Variants in PPTC7 observed in about 807,000 individuals in gnomAD.
PPTC7 encodes the protein protein phosphatase targeting COQ7, also known as protein phosphatase PTC7 homolog.
PPTC7 carries 6 observed loss-of-function variants against 30.8 expected under a neutral mutation model. That is an observed-to-expected ratio of 0.19 (90% CI 0.11 to 0.38). The LOEUF is 0.38. Ranked by LOEUF, PPTC7 falls within the 10% of genes least tolerant of loss-of-function variation. PPTC7 has a pLI of 1.00. For missense variants in PPTC7, 218 were observed against 404.8 expected (o/e 0.54, Z 3.96); for synonymous variants, 163 against 168.1 (o/e 0.97, Z 0.23).
intron 4 of PPTC7, among the ~76,000 whole-genome samples, chr12:110,538,989 G>T (rs1593141474): frequency 6.6e-6 from 1 of 152,160 alleles, no homozygotes. Context: ...CCACTAGGAT[G>T]TAAGTTCCAT....
rs961789853 is a variant in PPTC7 at position 110,534,342 on chromosome 12, T to C, written c.*2695A>G. The stretch of plus-strand genomic sequence containing the variant: ...CAGAGAGGGATAAATAATTTGCCAT[T>C]TGTAAATTAGAAATCCAAATTTTTT... On this transcript the variant is annotated 3_prime_UTR_variant, in exon 6 of 6. Transcript: ENST00000354300. 5 of 152,158 alleles carry C rather than the reference T, an allele frequency of 3.3e-5. No individual in the cohort carries two copies. The highest frequency in any genetic ancestry group is 6.5e-5 in the Admixed American group (1 of 15,272). 9.4% of individuals were successfully genotyped at this position (152,158 alleles called of 1,614,324 possible). A position where few individuals can be genotyped will look rare whatever the true frequency, so the allele number is the denominator to read the frequency against.
At chr12:110,539,167 G>C (rs1240592517) in intron 4 of PPTC7, among the ~76,000 whole-genome samples, 1 of 151,992 alleles carries the variant, frequency 6.6e-6, no homozygotes, top group Admixed American at 6.5e-5. Flanking sequence ...TATAAAAGAG[G>C]ATCTTTAGGA....
chr12:110,580,119 C>G (rs1278336920), intron 1 of PPTC7, among the ~76,000 whole-genome samples: 1 of 152,042 alleles, frequency 6.6e-6, no homozygotes, highest in Admixed American at 6.6e-5. Context: ...TTCCCTTTAT[C>G]CCCTAGTCCA....
At chr12:110,550,358 G>C (rs956487923) in intron 2 of PPTC7, among the ~76,000 whole-genome samples, 1 of 150,690 alleles carries the variant, frequency 6.6e-6, no homozygotes, top group African/African-American at 2.4e-5. Flanking sequence ...AGCCTCCTAA[G>C]TAGCTGGGAC....
At chr12:110,561,732 G>A (rs1206565606) in intron 1 of PPTC7, among the ~76,000 whole-genome samples, 1 of 152,168 alleles carries the variant, frequency 6.6e-6, no homozygotes, top group Admixed American at 6.5e-5. Context: ...TGAGGCGGGT[G>A]TATCATTTAA....
chr12:110,539,729 C>T, intron 4 of PPTC7, 93 bp downstream of exon 4: 1 of 1,179,680 alleles, frequency 8.5e-7, no homozygotes, highest in South Asian at 1.7e-5. Context: ...TAGTTCTTTC[C>T]AAAACTACAA....
Position 110,536,160 on chromosome 12 carries a change from T to C in PPTC7, c.*877A>G, listed in dbSNP as rs1334917026. 1 of 152,230 alleles carries C rather than the reference T, an allele frequency of 6.6e-6. No individual in the cohort carries two copies. The highest frequency in any genetic ancestry group is 1.9e-4 in the East Asian group (1 of 5,204). 9.4% of individuals were successfully genotyped at this position (152,230 alleles called of 1,614,324 possible). A position where few individuals can be genotyped will look rare whatever the true frequency, so the allele number is the denominator to read the frequency against. Reference sequence around the variant, plus strand: ...TCTCAACCCTTCAGGCCTTGGGACCTAGAGTTCCCATTCAGGGGCATTCTA... The same window carrying C: ...TCTCAACCCTTCAGGCCTTGGGACCCAGAGTTCCCATTCAGGGGCATTCTA... On this transcript the variant is annotated 3_prime_UTR_variant, in exon 6 of 6. Coordinates refer to ENST00000354300, the MANE Select transcript of PPTC7 (RefSeq NM_139283.2).
At chr12:110,576,519 T>A (rs1381565989) in intron 1 of PPTC7, among the ~76,000 whole-genome samples, 1 of 152,276 alleles carries the variant, frequency 6.6e-6, no homozygotes, top group South Asian at 2.1e-4. Flanking sequence ...TATATAAATA[T>A]AATGGAACAT....
intron 2 of PPTC7, among the ~76,000 whole-genome samples, chr12:110,549,764 C>T (rs1179370088): frequency 6.6e-6 from 1 of 152,100 alleles, no homozygotes; most frequent in Non-Finnish European, 1.5e-5. Flanking sequence ...AGGATGGTTA[C>T]GTGTTTTGTA....
In PPTC7 at chr12:110,559,811, C is replaced by T. The variant is rs563951831; in HGVS notation, c.224-7843G>A. 5.9e-5 allele frequency among the ~76,000 whole-genome samples: 9 copies of T among 151,916 alleles called. No homozygotes were observed. In the South Asian group the frequency reaches 6.3e-4, roughly 11 times the overall value. ...GCAGTGGTGTAGTAATAGCTCACTG[C>T]GGCCTCAAACTCCTGAGCTCAAGAG... On this transcript the variant is annotated intron_variant, in intron 1 of 5. Coordinates refer to ENST00000354300, the MANE Select transcript of PPTC7 (RefSeq NM_139283.2).
chr12:110,540,385 G>A (rs903589555), intron 3 of PPTC7, among the ~76,000 whole-genome samples: 3 of 133,014 alleles, frequency 2.3e-5, no homozygotes, highest in Non-Finnish European at 4.7e-5. Flanking sequence ...GCAGTGGCAC[G>A]ATATAGGCTC....
At chr12:110,552,134 C>A (rs779478240) in intron 1 of PPTC7, among the ~76,000 whole-genome samples, 166 bp from the exon 2 acceptor site, 1 of 152,204 alleles carries the variant, frequency 6.6e-6, no homozygotes, top group Non-Finnish European at 1.5e-5. Flanking sequence ...TACACTAACA[C>A]TCCTAAGCCA....
Position 110,536,995 on chromosome 12 carries a change from A to G in PPTC7, c.*42T>C. The G allele has an allele frequency of 6.6e-7, 1 of 1,511,296 alleles. No homozygotes were observed. The highest frequency in any genetic ancestry group is 9.2e-7 in the Non-Finnish European group (1 of 1,087,026). 93.6% of individuals were successfully genotyped at this position (1,511,296 alleles called of 1,614,324 possible). On this transcript the variant is annotated 3_prime_UTR_variant, in exon 6 of 6. Transcript: ENST00000354300. ...CAGGATCAGCACACATGGCAGGGGA[A>G]ATTTGGGATGATGAAAGGAAAGGCA...
chr12:110,565,159 G>A (rs937385118), intron 1 of PPTC7, among the ~76,000 whole-genome samples: 1 of 151,444 alleles, frequency 6.6e-6, no homozygotes, highest in South Asian at 2.1e-4. Flanking sequence ...TACCCACCAC[G>A]CCTGGCCTAT....
In PPTC7 at chr12:110,575,476, C is replaced by T. The variant is rs145506605; in HGVS notation, c.223+7333G>A. The stretch of plus-strand genomic sequence containing the variant: ...GGTCACATTCTAACCCGGTGTAGTG[C>T]TTCTGGTGTCACACACTAGTACAAA... On this transcript the variant is annotated intron_variant, in intron 1 of 5. Transcript: ENST00000354300. 2.8e-4 allele frequency among the ~76,000 whole-genome samples: 42 copies of T among 152,054 alleles called. 1 individual carries two copies. The Middle Eastern group carries it at 0.02, about 74-fold the overall frequency.
Position 110,551,981 on chromosome 12 carries a change from CAAAAA to C in PPTC7, c.224-18_224-14del, listed in dbSNP as rs2064352661. 1 of 1,590,772 alleles carries C rather than the reference CAAAAA, an allele frequency of 6.3e-7. No homozygotes were observed. Among genetic ancestry groups the C allele is most frequent in the Admixed American group, 1.8e-5 (1 of 56,008 alleles). ...CCATCTGCAACCCCTGAAGAAAAAACAAAAATTACAGTAAAAGAACAATCTTACCA... is the reference window on the plus strand; with the variant it reads ...CCATCTGCAACCCCTGAAGAAAAAACTTACAGTAAAAGAACAATCTTACCA... On this transcript the variant is annotated splice_polypyrimidine_tract_variant and intron_variant, in intron 1 of 5. Transcript: ENST00000354300.
intron 1 of PPTC7, among the ~76,000 whole-genome samples, chr12:110,554,408 G>A (rs190158564): frequency 6.6e-6 from 1 of 152,118 alleles, no homozygotes; most frequent in Non-Finnish European, 1.5e-5. Context: ...TGAACTCCTG[G>A]GCTCAAGTGA....
At chr12:110,561,970 T>TCC (rs2064441479) in intron 1 of PPTC7, among the ~76,000 whole-genome samples, 1 of 151,318 alleles carries the variant, frequency 6.6e-6, no homozygotes, top group African/African-American at 2.4e-5. Context: ...CAAAAAACAC[T>TCC]CCCCTGTGAT....
In PPTC7 at chr12:110,536,984, A is replaced by G. The variant is rs1449268937; in HGVS notation, c.*53T>C. The G allele has an allele frequency of 6.5e-6, 9 of 1,375,190 alleles. No individual in the cohort carries two copies. Among genetic ancestry groups the G allele is most frequent in the South Asian group, 4.7e-5 (4 of 85,528 alleles). The allele number at this position is 1,375,190 out of a possible 1,614,324, so 85.2% of individuals were successfully genotyped here. On this transcript the variant is annotated 3_prime_UTR_variant, in exon 6 of 6. Coordinates refer to ENST00000354300, the MANE Select transcript of PPTC7 (RefSeq NM_139283.2). ...GGTCCTGCCAGCAGGATCAGCACACATGGCAGGGGAAATTTGGGATGATGA... is the reference window on the plus strand; with the variant it reads ...GGTCCTGCCAGCAGGATCAGCACACGTGGCAGGGGAAATTTGGGATGATGA...
Sources: allele counts gnomAD v4.1 joint callset (sites outside exome capture counted in the v4.1 genomes callset), GRCh38; gene constraint gnomAD v4.1.1; transcripts MANE v1.5; gene names NCBI Gene and HGNC (gene_info 2026-07-23, HGNC 2026-07-21).